ZMYM4: variants seen among roughly 807,000 people sequenced by gnomAD.
ZMYM4 encodes zinc finger MYM-type protein 4.
A neutral mutation model predicts 183.2 loss-of-function variants in ZMYM4; 31 were observed. The ratio of observed to expected loss-of-function variants is 0.17; its 90% CI spans 0.13 to 0.23. The LOEUF is 0.23. ZMYM4 is among the 10% of genes least tolerant of loss of function. The pLI, the probability that ZMYM4 is intolerant of heterozygous loss-of-function variation, is 1.00. For synonymous variants in ZMYM4, 592 were observed against 631.2 expected, an observed-to-expected ratio of 0.94 and a Z score of 0.93; for missense variants, 1,273 against 1,840.3, an observed-to-expected ratio of 0.69 and a Z score of 5.64.
intron 1 of ZMYM4, among the ~76,000 whole-genome samples, chr1:35,286,778 T>G: frequency 1.6e-5 from 1 of 63,356 alleles, no homozygotes; most frequent in Non-Finnish European, 2.4e-5. Context: ...AATAATTTTT[T>G]TTTTTTTTTT....
At chr1:35,406,049 A>G (rs1460377192) in intron 25 of ZMYM4, among the ~76,000 whole-genome samples, 1 of 152,178 alleles carries the variant, frequency 6.6e-6, no homozygotes, top group East Asian at 1.9e-4. Context: ...TACAATCTTT[A>G]TGGAATGAGA....
intron 2 of ZMYM4, among the ~76,000 whole-genome samples, chr1:35,335,842 A>C (rs768097157): frequency 2.6e-4 from 40 of 152,040 alleles, no homozygotes; most frequent in Admixed American, 6.6e-4. Flanking sequence ...AGTCCCAGCT[A>C]CTCGGGAGGC....
At chr1:35,350,890 G>C in intron 2 of ZMYM4, 1 of 622,750 alleles carries the variant, frequency 1.6e-6, no homozygotes, top group Non-Finnish European at 2.9e-6. Context: ...TTGTGTAACA[G>C]AGATATCATT....
chr1:35,287,138 C>G (rs1042098090), intron 1 of ZMYM4, among the ~76,000 whole-genome samples: 2 of 151,064 alleles, frequency 1.3e-5, no homozygotes, highest in Admixed American at 1.3e-4. Flanking sequence ...TTGAATTGCT[C>G]TTTTTGCGTG....
At chr1:35,396,219 C>G (rs1478285009) in intron 18 of ZMYM4, among the ~76,000 whole-genome samples, 1 of 152,060 alleles carries the variant, frequency 6.6e-6, no homozygotes, top group East Asian at 1.9e-4. Flanking sequence ...GGAAATGGCC[C>G]CTCCCTATTC....
Position 35,325,021 on chromosome 1 carries a change from G to A in ZMYM4, c.40-339G>A, listed in dbSNP as rs77286847. Among the ~76,000 whole-genome samples the A allele has an allele frequency of 7.5e-3, 1,130 of 151,668 alleles. 4 individuals carry two copies. The highest frequency in any genetic ancestry group is 0.013 in the Non-Finnish European group (861 of 67,870). ...TGATGGGAAGTTTTACATAGTTCTC[G>A]GTGTTAGTAAGTTCTTATGAAGCGT... On this transcript the variant is annotated intron_variant, in intron 1 of 29. Coordinates refer to ENST00000314607, the MANE Select transcript of ZMYM4 (RefSeq NM_005095.3).
At chr1:35,379,123 C>T (rs575275587) in intron 7 of ZMYM4, among the ~76,000 whole-genome samples, 12 of 152,254 alleles carry the variant, frequency 7.9e-5, no homozygotes, top group South Asian at 6.2e-4. Context: ...TGTTTTGAGA[C>T]GGAGTGTCTC....
chr1:35,338,172 A>AC (rs1030144926), intron 2 of ZMYM4, among the ~76,000 whole-genome samples: 1 of 152,092 alleles, frequency 6.6e-6, no homozygotes, highest in Non-Finnish European at 1.5e-5. Context: ...TAGTTTACCT[A>AC]CCCCTGCTGT....
At chr1:35,345,690 G>A (rs950121632) in intron 2 of ZMYM4, among the ~76,000 whole-genome samples, 1 of 152,016 alleles carries the variant, frequency 6.6e-6, no homozygotes, top group Non-Finnish European at 1.5e-5. Context: ...CAATCAGTCC[G>A]CCTGCCTTGG....
rs1463291783 is a variant in ZMYM4, at chr1:35,385,526, A to G, written c.1654A>G (p.Lys552Glu). The G allele has an allele frequency of 6.2e-7, 1 of 1,613,276 alleles. No individual in the cohort carries two copies. The change falls in exon 10 of 30, where the codon AAG becomes GAG. Residue 552 changes from lysine (K) to glutamate (E), a missense_variant. By Grantham distance (56) the Lys-to-Glu change is moderately conservative. Coordinates refer to ENST00000314607, the MANE Select transcript of ZMYM4 (RefSeq NM_005095.3). ...EMIENTNSLG[K>E]TELFCSVNCL... ...GATTGAAAATACCAATAGCTTGGGG[A>G]AGACAGAGCTTTTCTGTTCTGTTAA...
At chr1:35,291,634 C>CTTTTTTTTTTTTTTTTTTTTTTT (rs1296107892) in intron 1 of ZMYM4, among the ~76,000 whole-genome samples, 1 of 129,338 alleles carries the variant, frequency 7.7e-6, no homozygotes, top group African/African-American at 2.8e-5. Context: ...GTGATTGTTA[C>CTTTTTTTTTTTTTTTTTTTTTTT]TTTTTTTTTT....
At chr1:35,392,759 C>T (rs1644733811) in intron 17 of ZMYM4, 75 bp downstream of exon 17, 1 of 1,065,246 alleles carries the variant, frequency 9.4e-7, no homozygotes, top group Admixed American at 2.7e-5. Flanking sequence ...TATGTGTGAA[C>T]TAATTTGCCC....
chr1:35,311,388 C>T (rs1641790938), intron 1 of ZMYM4, among the ~76,000 whole-genome samples: 1 of 150,644 alleles, frequency 6.6e-6, no homozygotes, highest in Non-Finnish European at 1.5e-5. Context: ...TGCCATTGCA[C>T]TCCAGCCTCG....
At chr1:35,320,222 A>AC (rs1307240782) in intron 1 of ZMYM4, among the ~76,000 whole-genome samples, 2 of 152,234 alleles carry the variant, frequency 1.3e-5, no homozygotes, top group East Asian at 1.9e-4. Flanking sequence ...CACCAAAAAT[A>AC]CCAAGACATG....
chr1:35,389,581 C>T lies in ZMYM4; in HGVS notation c.2437-367C>T, dbSNP rs1038362082. On this transcript the variant is annotated intron_variant, in intron 14 of 29. Transcript: ENST00000314607. This position sits in a 1 kb window ranked among gnomAD's most constrained non-coding sequence, Gnocchi z 4.0. ...CATCCTGGCTAACATGGTGAAACCC[C>T]GTCTCTACTAAAAATACAAAAAAAT... is the stretch of plus-strand genomic sequence containing the variant. Among the ~76,000 whole-genome samples the T allele has an allele frequency of 2.6e-5, 4 of 151,740 alleles. No individual in the cohort carries two copies. The highest frequency in any genetic ancestry group is 6.6e-5 in the Admixed American group (1 of 15,226).
At chr1:35,345,336 G>C (rs934054994) in intron 2 of ZMYM4, among the ~76,000 whole-genome samples, 1 of 152,122 alleles carries the variant, frequency 6.6e-6, no homozygotes, top group Non-Finnish European at 1.5e-5. Flanking sequence ...ATTTTAAACT[G>C]TATGGACCTC....
intron 26 of ZMYM4, among the ~76,000 whole-genome samples, chr1:35,411,450 C>T (rs907105707): frequency 4.6e-5 from 7 of 152,164 alleles, no homozygotes; most frequent in South Asian, 2.1e-4. Flanking sequence ...CCACTGTGCC[C>T]GGCCCTAATC....
chr1:35,310,656 G>A (rs1641751275), intron 1 of ZMYM4, among the ~76,000 whole-genome samples: 2 of 151,916 alleles, frequency 1.3e-5, no homozygotes, highest in Admixed American at 1.3e-4. Context: ...TCAGCTCACT[G>A]CAACCTCTAC....
At chr1:35,362,151 A>G (rs1229516671) in intron 5 of ZMYM4, among the ~76,000 whole-genome samples, 1 of 152,216 alleles carries the variant, frequency 6.6e-6, no homozygotes, top group African/African-American at 2.4e-5. Flanking sequence ...AGTTAATGCT[A>G]ATGAAGTACA....
Sources: allele counts gnomAD v4.1 joint callset (sites outside exome capture counted in the v4.1 genomes callset), GRCh38; gene constraint gnomAD v4.1.1; non-coding constraint Gnocchi (gnomAD v3.1); transcripts MANE v1.5; gene names NCBI Gene and HGNC (gene_info 2026-07-23, HGNC 2026-07-21).